STXBP5L: variants seen among roughly 807,000 people sequenced by gnomAD.
STXBP5L encodes the protein syntaxin-binding protein 5-like.
A neutral mutation model predicts 144.5 loss-of-function variants in STXBP5L; 65 were observed. The ratio of observed to expected loss-of-function variants is 0.45; its 90% CI spans 0.37 to 0.55. STXBP5L has a LOEUF of 0.55. STXBP5L is among the 20% of genes least tolerant of loss of function. The pLI, the probability that STXBP5L is intolerant of heterozygous loss-of-function variation, is 0.00. For synonymous variants in STXBP5L, 505 were observed against 469.6 expected, an observed-to-expected ratio of 1.08 and a Z score of -0.97; for missense variants, 1,298 against 1,405.5, an observed-to-expected ratio of 0.92 and a Z score of 1.22.
At chr3:120,908,832 G>A (rs1258922850) in intron 1 of STXBP5L, among the ~76,000 whole-genome samples, 1 of 149,790 alleles carries the variant, frequency 6.7e-6, no homozygotes, top group Admixed American at 6.6e-5. Flanking sequence ...ATGGGGAGAG[G>A]GGGGAAAGAG....
At chr3:120,963,767 C>T (rs992727323) in intron 3 of STXBP5L, among the ~76,000 whole-genome samples, 1 of 152,074 alleles carries the variant, frequency 6.6e-6, no homozygotes, top group African/African-American at 2.4e-5. Flanking sequence ...GCTTTTGTAT[C>T]GGGATAATAT....
chr3:121,187,320 A>T (rs764456462), intron 9 of STXBP5L, among the ~76,000 whole-genome samples: 2 of 147,582 alleles, frequency 1.4e-5, no homozygotes, highest in Non-Finnish European at 3.0e-5. Context: ...CAAACACTGC[A>T]TGTTCTCACT....
At chr3:121,034,667 A>C (rs1946632084) in intron 3 of STXBP5L, among the ~76,000 whole-genome samples, 1 of 152,164 alleles carries the variant, frequency 6.6e-6, no homozygotes, top group Non-Finnish European at 1.5e-5. Context: ...TATTGCGAAT[A>C]GTGCTGCAAT....
intron 10 of STXBP5L, among the ~76,000 whole-genome samples, chr3:121,211,016 T>C (rs1344764935): frequency 2.0e-5 from 3 of 152,200 alleles, no homozygotes; most frequent in African/African-American, 7.2e-5. Context: ...ATAAATTACA[T>C]TGGGCAGTAT....
chr3:121,252,405 A>AAAG, intron 15 of STXBP5L, among the ~76,000 whole-genome samples: 2 of 143,840 alleles, frequency 1.4e-5, no homozygotes, highest in South Asian at 4.6e-4. Context: ...AATAAATAAA[A>AAAG]TAAAATTTAG....
chr3:121,176,603 G>T (rs1250883169), intron 9 of STXBP5L, among the ~76,000 whole-genome samples: 1 of 150,274 alleles, frequency 6.7e-6, no homozygotes, highest in Non-Finnish European at 1.5e-5. Flanking sequence ...TAAAAATTAT[G>T]ACAGAAATGG....
intron 3 of STXBP5L, among the ~76,000 whole-genome samples, chr3:120,983,083 T>C (rs931383916): frequency 6.6e-6 from 1 of 152,210 alleles, no homozygotes; most frequent in Non-Finnish European, 1.5e-5. Flanking sequence ...CACTTCCATC[T>C]GACAGCAGTG....
At chr3:121,118,072 A>T (rs545633569) in intron 6 of STXBP5L, among the ~76,000 whole-genome samples, 1 of 151,738 alleles carries the variant, frequency 6.6e-6, no homozygotes, top group Non-Finnish European at 1.5e-5. Flanking sequence ...TGTAAGACTC[A>T]TGTTTAACAT....
intron 6 of STXBP5L, among the ~76,000 whole-genome samples, chr3:121,120,072 G>T (rs1322909418): frequency 1.3e-5 from 2 of 151,282 alleles, no homozygotes; most frequent in African/African-American, 4.8e-5. Flanking sequence ...ATGCTTATTT[G>T]CATAGTACAG....
chr3:121,007,578 C>A (rs977357371), intron 3 of STXBP5L, among the ~76,000 whole-genome samples: 1 of 151,866 alleles, frequency 6.6e-6, no homozygotes, highest in East Asian at 1.9e-4. Flanking sequence ...CAGCATTATT[C>A]TCCTCAGGAA....
chr3:121,004,359 A>C (rs1028779582), intron 3 of STXBP5L, among the ~76,000 whole-genome samples: 1 of 151,844 alleles, frequency 6.6e-6, no homozygotes, highest in East Asian at 1.9e-4. Context: ...TTTGTCTGTT[A>C]TTGGTGTATA....
intron 5 of STXBP5L, among the ~76,000 whole-genome samples, chr3:121,060,817 T>C (rs1176440358): frequency 6.6e-6 from 1 of 152,248 alleles, no homozygotes; most frequent in African/African-American, 2.4e-5. Context: ...TCAATGGTGA[T>C]ATCCACTTTA....
chr3:121,102,094 T>C (rs1047084998), intron 5 of STXBP5L, among the ~76,000 whole-genome samples: 1 of 152,058 alleles, frequency 6.6e-6, no homozygotes, highest in Non-Finnish European at 1.5e-5. Context: ...TATTTCATGC[T>C]TATGGATTGG....
At chr3:121,017,801 A>C (rs1362268100) in intron 3 of STXBP5L, among the ~76,000 whole-genome samples, 1 of 152,160 alleles carries the variant, frequency 6.6e-6, no homozygotes, top group Non-Finnish European at 1.5e-5. Flanking sequence ...GGGGTGGTGA[A>C]GGTGATGGTT....
chr3:121,358,424 G>T (rs548433948), intron 20 of STXBP5L, among the ~76,000 whole-genome samples: 1 of 152,300 alleles, frequency 6.6e-6, no homozygotes. Flanking sequence ...ATGGTGGACA[G>T]TGAAGGGGAA....
chr3:121,059,994 A>G (rs540898873), intron 5 of STXBP5L, among the ~76,000 whole-genome samples: 1 of 152,234 alleles, frequency 6.6e-6, no homozygotes, highest in South Asian at 2.1e-4. Flanking sequence ...CCTGGCTAGA[A>G]CTTCCAATAC....
chr3:121,354,399 ATCT>A (rs1461387236), intron 20 of STXBP5L, among the ~76,000 whole-genome samples: 1 of 150,956 alleles, frequency 6.6e-6, no homozygotes, highest in Non-Finnish European at 1.5e-5. Flanking sequence ...GGATAGTTAC[ATCT>A]TCTTGTTGAA....
chr3:121,120,298 T>A (rs1399392487), intron 6 of STXBP5L, among the ~76,000 whole-genome samples: 1 of 151,254 alleles, frequency 6.6e-6, no homozygotes, highest in East Asian at 1.9e-4. Flanking sequence ...TTTATACCTT[T>A]ATAGAACACT....
At chr3:120,951,964 A>G (rs1162665790) in intron 2 of STXBP5L, among the ~76,000 whole-genome samples, 3 of 151,778 alleles carry the variant, frequency 2.0e-5, no homozygotes, top group Non-Finnish European at 4.4e-5. Context: ...ACCATGGAAT[A>G]CTATGCAGCC....
Sources: allele counts gnomAD v4.1 joint callset (sites outside exome capture counted in the v4.1 genomes callset), GRCh38; gene constraint gnomAD v4.1.1; transcripts MANE v1.5; gene names NCBI Gene and HGNC (gene_info 2026-07-23, HGNC 2026-07-21).